VPS37A: variants seen among roughly 807,000 people sequenced by gnomAD.
The protein encoded by VPS37A is VPS37A subunit of ESCRT-I.
VPS37A carries 30 observed loss-of-function variants against 49.8 expected under a neutral mutation model. That is an observed-to-expected ratio of 0.60 (90% CI 0.45 to 0.82). The LOEUF is 0.82. VPS37A is among the 40% of genes least tolerant of loss of function. VPS37A has a pLI of 0.00. For missense variants in VPS37A, 593 were observed against 464.4 expected, an observed-to-expected ratio of 1.28 and a Z score of -2.55; for synonymous variants, 195 against 160.6, an observed-to-expected ratio of 1.21 and a Z score of -1.62.
At chr8:17,268,507 G>A (rs1294542184) in intron 3 of VPS37A, 135 bp downstream of exon 3, 10 of 648,216 alleles carry the variant, frequency 1.5e-5, no homozygotes, top group Admixed American at 3.2e-5. Context: ...GAATATTTAA[G>A]ACTACGCCTT....
chr8:17,279,287 A>G (rs1440320608), intron 6 of VPS37A, among the ~76,000 whole-genome samples: 1 of 152,072 alleles, frequency 6.6e-6, no homozygotes, highest in Non-Finnish European at 1.5e-5. Flanking sequence ...CATCCTTGGA[A>G]TCATGCACTG....
chr8:17,315,724 A>G, the VPS37A span, among the ~76,000 whole-genome samples: 25 of 152,304 alleles, frequency 1.6e-4, 1 homozygote, highest in South Asian at 5.2e-3. Flanking sequence ...AACAAAACAG[A>G]AAAAAGGCTG....
chr8:17,332,021 G>A, the VPS37A span, among the ~76,000 whole-genome samples: 3 of 151,984 alleles, frequency 2.0e-5, no homozygotes, highest in African/African-American at 2.4e-5. Flanking sequence ...CCTAGCCTGC[G>A]TGGCTAAAAT....
At chr8:17,311,525 G>C in the VPS37A span, 1 of 1,614,154 alleles carries the variant, frequency 6.2e-7, no homozygotes, top group Non-Finnish European at 8.5e-7. Flanking sequence ...AAGCCCTTCA[G>C]AGTCCGGTAG....
intron 6 of VPS37A, among the ~76,000 whole-genome samples, chr8:17,278,134 A>G (rs1814700468): frequency 6.6e-6 from 1 of 152,042 alleles, no homozygotes; most frequent in Admixed American, 6.6e-5. Context: ...TGGTGGCTAG[A>G]AGTAGACAAG....
chr8:17,310,622 G>T, the VPS37A span, among the ~76,000 whole-genome samples: 18 of 152,108 alleles, frequency 1.2e-4, no homozygotes, highest in African/African-American at 4.3e-4. Flanking sequence ...ATCACTTTGA[G>T]GTGTCAATGC....
chr8:17,290,937 T>C (rs1816080869), intron 11 of VPS37A, among the ~76,000 whole-genome samples: 1 of 152,184 alleles, frequency 6.6e-6, no homozygotes. Context: ...TCTTCTAGAT[T>C]TTCTAGTTTG....
intron 4 of VPS37A, among the ~76,000 whole-genome samples, chr8:17,272,456 C>T (rs1279450241): frequency 6.6e-6 from 1 of 152,118 alleles, no homozygotes; most frequent in Non-Finnish European, 1.5e-5. Flanking sequence ...AACTCATTTA[C>T]CTTATTTGAA....
Position 17,274,948 on chromosome 8 carries a change from C to G in VPS37A, c.632C>G (p.Ala211Gly), listed in dbSNP as rs1244216609. Residue 211 changes from alanine to glycine, a missense_variant, in exon 5 of 12, where the codon GCT (alanine) becomes GGT (glycine). Transcript: ENST00000324849. ...NLPLPIPTVDASIPTSQNGFG... is the reference protein window; with the variant it reads ...NLPLPIPTVDGSIPTSQNGFG... Reference sequence around the variant, plus strand: ...CCATTACCCATTCCCACAGTGGATGCTTCAATACCGGTTGGTATCGTCAGT... The same window carrying G: ...CCATTACCCATTCCCACAGTGGATGGTTCAATACCGGTTGGTATCGTCAGT... 6.2e-7 allele frequency: 1 copy of G among 1,613,974 alleles called. No individual in the cohort carries two copies. Among genetic ancestry groups the G allele is most frequent in the South Asian group, 1.1e-5 (1 of 91,074 alleles).
Position 17,273,509 on chromosome 8 carries a change from G to T in VPS37A, c.417-1224G>T, listed in dbSNP as rs375837200. On this transcript the variant is annotated intron_variant, in intron 4 of 11. Transcript: ENST00000324849. Reference sequence around the variant, plus strand: ...AGCCTCCCGAGTAGCTGGGACTACAGGCGCCCACCACTACGCCCAGCTAAT... The same window carrying T: ...AGCCTCCCGAGTAGCTGGGACTACATGCGCCCACCACTACGCCCAGCTAAT... 2.6e-5 allele frequency among the ~76,000 whole-genome samples: 4 copies of T among 152,150 alleles called. No homozygotes were observed. In the East Asian group the frequency reaches 7.7e-4, roughly 29 times the overall value.
downstream of VPS37A, among the ~76,000 whole-genome samples, chr8:17,300,573 CATGA>C (rs1173169533): frequency 6.6e-6 from 1 of 152,188 alleles, no homozygotes; most frequent in Non-Finnish European, 1.5e-5. Context: ...TTTTAGAAAT[CATGA>C]ATGAAGTGTT....
intron 1 of VPS37A, among the ~76,000 whole-genome samples, chr8:17,262,799 A>G (rs149342308): frequency 6.6e-6 from 1 of 152,142 alleles, no homozygotes; most frequent in Non-Finnish European, 1.5e-5. Context: ...ACGGTGACTC[A>G]CGCCTGTAAT....
At chr8:17,310,080 A>C in the VPS37A span, among the ~76,000 whole-genome samples, 1 of 151,932 alleles carries the variant, frequency 6.6e-6, no homozygotes, top group Non-Finnish European at 1.5e-5. Flanking sequence ...GGCTCACTAC[A>C]CCCTTGACCT....
At chr8:17,298,261 T>G (rs1388323894), downstream of VPS37A, 1 of 152,076 alleles carries the variant, frequency 6.6e-6, no homozygotes, top group African/African-American at 2.4e-5. Flanking sequence ...TTGCAGAAAA[T>G]GAATAAACAT....
At chr8:17,325,968 G>A in the VPS37A span, among the ~76,000 whole-genome samples, 442 of 152,322 alleles carry the variant, frequency 2.9e-3, no homozygotes, top group African/African-American at 0.01. Context: ...ACACTGGAAA[G>A]CACTTTATAG....
intron 9 of VPS37A, among the ~76,000 whole-genome samples, chr8:17,282,389 C>G (rs73666104): frequency 6.6e-6 from 1 of 152,132 alleles, no homozygotes; most frequent in African/African-American, 2.4e-5. Flanking sequence ...AACCATAAAA[C>G]GTCAACTAGC....
intron 1 of VPS37A, among the ~76,000 whole-genome samples, chr8:17,261,554 G>A (rs1221369787): frequency 1.3e-5 from 2 of 152,156 alleles, no homozygotes; most frequent in Non-Finnish European, 2.9e-5. Context: ...TCTTTACTTT[G>A]ACGAATTAGT....
At position 17,292,230 on chromosome 8, in the gene VPS37A, T is replaced by C. The variant is rs193123096; in HGVS notation, c.*1-2757T>C. ...CCTTTACCATTATGTAATGCCCTTC[T>C]TTGTCTTTTTTGGTTTTTCTTGGTT... On this transcript the variant is annotated intron_variant, in intron 11 of 11. Coordinates refer to ENST00000324849, the MANE Select transcript of VPS37A (RefSeq NM_152415.3). Among the ~76,000 whole-genome samples the C allele has an allele frequency of 7.9e-4, 120 of 152,318 alleles. 1 individual carries two copies. Among genetic ancestry groups the C allele is most frequent in the Middle Eastern group, 3.4e-3 (1 of 294 alleles).
At chr8:17,309,373 A>T in the VPS37A span, 387 of 1,251,186 alleles carry the variant, frequency 3.1e-4, no homozygotes, top group African/African-American at 5.1e-3. Context: ...CAAACGAAAA[A>T]TAAGAGACCA....
Sources: allele counts gnomAD v4.1 joint callset (sites outside exome capture counted in the v4.1 genomes callset), GRCh38; gene constraint gnomAD v4.1.1; transcripts MANE v1.5; gene names NCBI Gene and HGNC (gene_info 2026-07-23, HGNC 2026-07-21).